The following INCENP variants were observed in gnomAD, a reference collection of about 807,000 sequenced individuals.
INCENP encodes the protein binds and activates aurora-B and -C in vivo and in vitro.
Under a neutral mutation model 107.3 loss-of-function variants are expected in INCENP, and 43 were observed. The observed-to-expected ratio is 0.40, with a 90% confidence interval of 0.31 to 0.52. The LOEUF is 0.52. Ranked by LOEUF, INCENP falls within the 20% of genes least tolerant of loss-of-function variation. INCENP has a pLI of 0.53. For synonymous variants in INCENP, 488 were observed against 494.4 expected, an observed-to-expected ratio of 0.99 and a Z score of 0.17; for missense variants, 1,089 against 1,250.9, an observed-to-expected ratio of 0.87 and a Z score of 1.95.
chr11:62,129,426 G>A (rs1943831176), intron 3 of INCENP, among the ~76,000 whole-genome samples: 1 of 152,208 alleles, frequency 6.6e-6, no homozygotes, highest in Non-Finnish European at 1.5e-5. Context: ...AATGGGGATA[G>A]TGGTCTCTGC....
Position 62,148,739 on chromosome 11 carries a change from G to A in INCENP, c.2284G>A (p.Glu762Lys). ...QRELEEKKKK[E>K]EQQRLAERQL... is the part of the protein sequence containing the mutation. ...CACCCCATTGCCACCTGGGTTCCAG[G>A]AAGAGCAGCAGCGTCTGGCTGAGCG... Residue 762 changes from glutamate (E) to lysine (K), a missense_variant and splice_region_variant, in exon 17 of 19, where the codon GAA (glutamate) becomes AAA (lysine). Physicochemically the swap from Glu to Lys is moderately conservative, Grantham distance 56. Transcript: ENST00000394818. The A allele has an allele frequency of 6.3e-7, 1 of 1,581,484 alleles. No homozygotes were observed.
intron 4 of INCENP, among the ~76,000 whole-genome samples, chr11:62,133,926 C>T (rs1028692928): frequency 6.6e-6 from 1 of 152,138 alleles, no homozygotes; most frequent in African/African-American, 2.4e-5. Context: ...CCCAACCTCC[C>T]GCTGGCCACC....
At chr11:62,150,322 G>C (rs1002178874) in intron 18 of INCENP, 115 bp downstream of exon 18, 2 of 1,132,960 alleles carry the variant, frequency 1.8e-6, no homozygotes, top group African/African-American at 3.1e-5. Flanking sequence ...GTGTGCTTCA[G>C]TTGGCAGTTC....
At chr11:62,146,516 G>C (rs375257176) in intron 14 of INCENP, 142 bp from the exon 15 acceptor site, 14 of 1,274,576 alleles carry the variant, frequency 1.1e-5, no homozygotes, top group Non-Finnish European at 1.5e-5. Flanking sequence ...AGCCTTGCTC[G>C]GGATGTCCCA....
chr11:62,129,245 GT>G (rs1943825894), intron 3 of INCENP, among the ~76,000 whole-genome samples: 1 of 152,210 alleles, frequency 6.6e-6, no homozygotes, highest in Admixed American at 6.5e-5. Context: ...CCGTCATATT[GT>G]CATGCTTGTT....
At chr11:62,143,480 A>T (rs1944169105) in intron 11 of INCENP, among the ~76,000 whole-genome samples, 1 of 152,014 alleles carries the variant, frequency 6.6e-6, no homozygotes, top group Non-Finnish European at 1.5e-5. Context: ...GGTGCTTCCA[A>T]GTCTGGTCTT....
At chr11:62,137,802 G>C (rs1426297279) in intron 4 of INCENP, 30 bp from the exon 5 acceptor site, 29 of 1,611,348 alleles carry the variant, frequency 1.8e-5, no homozygotes, top group Non-Finnish European at 2.3e-5. Flanking sequence ...TCTCTGATGA[G>C]ATCTTTTGTG....
At chr11:62,142,095 C>T (rs1476137326) in intron 11 of INCENP, among the ~76,000 whole-genome samples, 1 of 152,188 alleles carries the variant, frequency 6.6e-6, no homozygotes, top group Admixed American at 6.5e-5. Context: ...CCAGGCAGGC[C>T]CTGAGCAAGG....
intron 4 of INCENP, among the ~76,000 whole-genome samples, chr11:62,132,368 G>C (rs1162683577): frequency 9.9e-5 from 15 of 152,238 alleles, no homozygotes; most frequent in Admixed American, 2.6e-4. Flanking sequence ...TGTCAGGCAG[G>C]GGAGGGCACC....
intron 7 of INCENP, among the ~76,000 whole-genome samples, chr11:62,139,940 T>G (rs1030370594): frequency 6.6e-6 from 1 of 152,034 alleles, no homozygotes; most frequent in African/African-American, 2.4e-5. Context: ...GGCCCTGGCA[T>G]CTGTAGATTT....
chr11:62,137,707 G>A (rs950768612), intron 4 of INCENP, 125 bp from the exon 5 acceptor site: 354 of 809,120 alleles, frequency 4.4e-4, no homozygotes, highest in Middle Eastern at 2.1e-3. Context: ...GGCATGGTGG[G>A]GGCTCCACGG....
chr11:62,150,333 G>A (rs984451077), intron 18 of INCENP, 126 bp downstream of exon 18: 21 of 993,280 alleles, frequency 2.1e-5, no homozygotes, highest in Non-Finnish European at 3.0e-5. Flanking sequence ...TTGGCAGTTC[G>A]AGGCTCTAGC....
intron 9 of INCENP, 33 bp from the exon 10 acceptor site, chr11:62,140,880 C>T (rs759987345): frequency 2.5e-6 from 4 of 1,613,738 alleles, no homozygotes; most frequent in Admixed American, 3.3e-5. Context: ...CCTGCCCCGC[C>T]TGCCCACTTC....
intron 4 of INCENP, among the ~76,000 whole-genome samples, chr11:62,135,864 C>CAGTG (rs1332016027): frequency 6.6e-6 from 1 of 151,994 alleles, no homozygotes; most frequent in Non-Finnish European, 1.5e-5. Context: ...GGCTGGAGTG[C>CAGTG]AGTGGCACAA....
rs550675425 is a variant in INCENP at position 62,148,504 on chromosome 11, C to G, written c.2233C>G (p.Arg745Gly). ...GCTGCAGGAGCGGGAGAAGGCCCTG[C>G]GGCTGCAGAAGGAGCAGCTGCAGAG... is the stretch of plus-strand genomic sequence containing the variant. ...RELQEREKAL[R>G]LQKEQLQREL... The change falls in exon 16 of 19, where the codon CGG (arginine) becomes GGG (glycine). Residue 745 changes from arginine to glycine, a missense_variant. By Grantham distance (125) the Arg-to-Gly change is moderately radical (BLOSUM62 -2). Coordinates refer to ENST00000394818, the MANE Select transcript of INCENP (RefSeq NM_001040694.2). 24 of 1,607,400 alleles carry G rather than the reference C, an allele frequency of 1.5e-5. No homozygotes were observed. The highest frequency in any genetic ancestry group is 8.5e-7 in the Non-Finnish European group (1 of 1,177,852).
intron 2 of INCENP, among the ~76,000 whole-genome samples, 176 bp downstream of exon 2, chr11:62,128,477 A>C (rs1943806556): frequency 6.6e-6 from 1 of 152,248 alleles, no homozygotes; most frequent in South Asian, 2.1e-4. Context: ...TGTCATGGGA[A>C]GAGGCAGCAG....
Position 62,138,739 on chromosome 11 carries a change from A to T in INCENP, c.1142A>T (p.Glu381Val), listed in dbSNP as rs775786401. Residue 381 changes from glutamate to valine, a missense_variant, in exon 6 of 19, where the codon GAG becomes GTG. Glu to Val is a moderately radical substitution (Grantham distance 121). Coordinates refer to ENST00000394818, the MANE Select transcript of INCENP (RefSeq NM_001040694.2). ...TCTGAGCAGAAGGAACCCCCCGAGG[A>T]GGCTGAGCCTGTGGCGGCAGCTGAG... is the stretch of plus-strand genomic sequence containing the variant. The part of the protein sequence containing the change: ...VGSEQKEPPE[E>V]AEPVAAAEPE... 74 of 1,614,122 alleles carry T rather than the reference A, an allele frequency of 4.6e-5. 1 individual carries two copies. The South Asian group carries it at 7.0e-4, about 15-fold the overall frequency.
At chr11:62,126,619 T>C (rs1943756849) in intron 1 of INCENP, among the ~76,000 whole-genome samples, 1 of 152,232 alleles carries the variant, frequency 6.6e-6, no homozygotes, top group African/African-American at 2.4e-5. Flanking sequence ...ATTCACCTGT[T>C]GGGATATTTA....
chr11:62,145,025 A>C lies in INCENP; in HGVS notation c.1649A>C (p.Glu550Ala). ...QRLENLRRKE[E>A]AEQLRRQKVE... The stretch of plus-strand genomic sequence containing the variant: ...CTGGAGAATCTGCGGCGGAAGGAGG[A>C]GGCCGAGCAGCTGCGCAGGCAGAAG... Residue 550 changes from glutamate (E) to alanine (A), a missense_variant, in exon 12 of 19, where the codon GAG becomes GCG. Coordinates refer to ENST00000394818, the MANE Select transcript of INCENP (RefSeq NM_001040694.2). 2 of 1,608,362 alleles carry C rather than the reference A, an allele frequency of 1.2e-6. No individual in the cohort carries two copies. The highest frequency in any genetic ancestry group is 1.7e-6 in the Non-Finnish European group (2 of 1,178,402).
Sources: gnomAD v4.1 joint callset for allele counts (sites outside exome capture counted in the v4.1 genomes callset) on GRCh38, gnomAD v4.1.1 for gene constraint, MANE v1.5 for transcripts, NCBI Gene and HGNC (gene_info 2026-07-23, HGNC 2026-07-21) for gene names.